The following GRM3 variants were observed in gnomAD, a reference collection of about 807,000 sequenced individuals.
GRM3 encodes metabotropic glutamate receptor 3.
A neutral mutation model predicts 70.5 loss-of-function variants in GRM3; 26 were observed. The ratio of observed to expected loss-of-function variants is 0.37; its 90% CI spans 0.27 to 0.51. The LOEUF (loss-of-function observed/expected upper bound fraction) is 0.51. Ranked by LOEUF, GRM3 falls within the 20% of genes least tolerant of loss-of-function variation. The pLI, the probability that GRM3 is intolerant of heterozygous loss-of-function variation, is 0.93. For synonymous variants in GRM3, 443 were observed against 434.9 expected (o/e 1.02, Z -0.23); for missense variants, 859 against 1,123.8 (o/e 0.76, Z 3.37).
intron 3 of GRM3, among the ~76,000 whole-genome samples, chr7:86,828,111 CAAAAAAAAAAAAAA>C: frequency 1.5e-5 from 1 of 68,292 alleles, no homozygotes; most frequent in South Asian, 7.0e-4. Flanking sequence ...AACTCCGTAT[CAAAAAAAAAAAAAA>C]AAAAAAAAAA....
intron 3 of GRM3, among the ~76,000 whole-genome samples, chr7:86,810,281 A>G (rs991914583): frequency 6.6e-6 from 1 of 152,028 alleles, no homozygotes; most frequent in Non-Finnish European, 1.5e-5. Flanking sequence ...ACTGAAATCC[A>G]TTATACAGTT....
intron 1 of GRM3, among the ~76,000 whole-genome samples, chr7:86,663,173 G>T (rs895421425): frequency 2.0e-5 from 3 of 151,644 alleles, no homozygotes; most frequent in East Asian, 1.9e-4. Flanking sequence ...TGAGCCCTAG[G>T]GTACTTCTAC....
chr7:86,772,733 G>T (rs1316575259), intron 2 of GRM3, among the ~76,000 whole-genome samples: 1 of 152,036 alleles, frequency 6.6e-6, no homozygotes, highest in African/African-American at 2.4e-5. Flanking sequence ...CTCAAGAAAA[G>T]CAGAGTGACA....
At chr7:86,795,096 A>G (rs1464094629) in intron 3 of GRM3, among the ~76,000 whole-genome samples, 3 of 150,198 alleles carry the variant, frequency 2.0e-5, no homozygotes, top group Non-Finnish European at 4.4e-5. Context: ...AAGTTTCTCA[A>G]ATGTATGTTT....
At chr7:86,703,547 T>A (rs1257040458) in intron 1 of GRM3, among the ~76,000 whole-genome samples, 2 of 151,986 alleles carry the variant, frequency 1.3e-5, no homozygotes, top group African/African-American at 4.8e-5. Flanking sequence ...CCTAAATCCA[T>A]ATGGATGTGT....
At chr7:86,713,285 A>AAT (rs1410331590) in intron 1 of GRM3, among the ~76,000 whole-genome samples, 1 of 152,004 alleles carries the variant, frequency 6.6e-6, no homozygotes, top group Admixed American at 6.6e-5. Flanking sequence ...TCTTTTGAGA[A>AAT]ATATATATTC....
At chr7:86,646,659 C>G (rs1793480105) in intron 1 of GRM3, among the ~76,000 whole-genome samples, 4 of 151,954 alleles carry the variant, frequency 2.6e-5, no homozygotes, top group Non-Finnish European at 5.9e-5. Flanking sequence ...AGGCCCTTAC[C>G]AGTGAAATGT....
chr7:86,833,147 C>G, intron 3 of GRM3: 1 of 967,342 alleles, frequency 1.0e-6, no homozygotes, highest in South Asian at 4.8e-5. Flanking sequence ...GGAGTTTCTT[C>G]ACGCCAAAGA....
At chr7:86,698,288 G>C (rs1228510787) in intron 1 of GRM3, among the ~76,000 whole-genome samples, 1 of 151,912 alleles carries the variant, frequency 6.6e-6, no homozygotes, top group African/African-American at 2.4e-5. Context: ...AATAGTCTGA[G>C]AGTAAAGGAT....
chr7:86,836,456 T>A (rs548600502), intron 3 of GRM3, among the ~76,000 whole-genome samples: 59 of 152,320 alleles, frequency 3.9e-4, no homozygotes, highest in East Asian at 1.3e-3. Context: ...ATTAATTTTT[T>A]AAAAAATTCT....
intron 2 of GRM3, among the ~76,000 whole-genome samples, chr7:86,768,628 T>C (rs1584227218): frequency 6.6e-6 from 1 of 152,034 alleles, no homozygotes; most frequent in Non-Finnish European, 1.5e-5. Flanking sequence ...AGGGTGACAG[T>C]GTAAATGAGA....
intron 2 of GRM3, among the ~76,000 whole-genome samples, chr7:86,778,922 T>C (rs921660867): frequency 2.2e-4 from 33 of 152,204 alleles, no homozygotes; most frequent in Non-Finnish European, 2.9e-4. Flanking sequence ...GAGGTCATAC[T>C]GAAGTAGGGT....
chr7:86,724,946 CA>C lies in GRM3; in HGVS notation c.-140-40052del, dbSNP rs374179912. On this transcript the variant is annotated intron_variant, in intron 1 of 5. Transcript: ENST00000361669. ...TACTAAACTTCCCACATCAAACAAACAAAAAAAATCTCCTGAGGTTTATTTA... is the reference window on the plus strand; with the variant it reads ...TACTAAACTTCCCACATCAAACAAACAAAAAAATCTCCTGAGGTTTATTTA... Among the ~76,000 whole-genome samples the C allele has an allele frequency of 1.9e-3, 281 of 151,600 alleles. 1 individual carries two copies. The highest frequency in any genetic ancestry group is 6.3e-3 in the African/African-American group (261 of 41,374).
chr7:86,793,627 C>T (rs1309444765), intron 3 of GRM3, among the ~76,000 whole-genome samples: 1 of 152,186 alleles, frequency 6.6e-6, no homozygotes, highest in Non-Finnish European at 1.5e-5. Context: ...AAGGGCACCA[C>T]TAATGTGGTC....
At chr7:86,728,895 A>G (rs1035081554) in intron 1 of GRM3, among the ~76,000 whole-genome samples, 3 of 152,204 alleles carry the variant, frequency 2.0e-5, no homozygotes, top group Non-Finnish European at 2.9e-5. Context: ...GGGTCCAGAG[A>G]AACTTAATTC....
intron 1 of GRM3, among the ~76,000 whole-genome samples, chr7:86,735,387 A>G (rs918869547): frequency 3.3e-5 from 5 of 152,204 alleles, no homozygotes; most frequent in Non-Finnish European, 7.4e-5. Flanking sequence ...TTGGCATTAT[A>G]CTTTCTAAGA....
intron 3 of GRM3, among the ~76,000 whole-genome samples, chr7:86,825,371 C>A (rs1053100451): frequency 2.0e-5 from 3 of 152,144 alleles, no homozygotes; most frequent in Non-Finnish European, 4.4e-5. Flanking sequence ...TTCTTAACGA[C>A]GTGTGGATAT....
chr7:86,673,048 A>G (rs534653132), intron 1 of GRM3, among the ~76,000 whole-genome samples: 1 of 152,294 alleles, frequency 6.6e-6, no homozygotes, highest in South Asian at 2.1e-4. Flanking sequence ...GCTGTTATCT[A>G]TGGGATTGTT....
chr7:86,673,586 A>G (rs1437442109), intron 1 of GRM3, among the ~76,000 whole-genome samples: 1 of 152,000 alleles, frequency 6.6e-6, no homozygotes, highest in African/African-American at 2.4e-5. Context: ...TTCTCACTCT[A>G]TATTCTTTCC....
Sources: allele counts gnomAD v4.1 joint callset (sites outside exome capture counted in the v4.1 genomes callset), GRCh38; gene constraint gnomAD v4.1.1; transcripts MANE v1.5; gene names NCBI Gene and HGNC (gene_info 2026-07-23, HGNC 2026-07-21).